PINK1: variants seen among roughly 807,000 people sequenced by gnomAD.
PINK1 encodes PTEN induced kinase 1.
A neutral mutation model predicts 56.0 loss-of-function variants in PINK1; 58 were observed. That is an observed-to-expected ratio of 1.04 (90% CI 0.84 to 1.29). The LOEUF is 1.29. PINK1 is among the 50% of genes most tolerant of loss of function. The probability of loss-of-function intolerance (pLI) is 0.00; values close to 1 mark genes in which losing one functional copy is unlikely to be tolerated. For missense variants in PINK1, 745 were observed against 777.9 expected, an observed-to-expected ratio of 0.96 and a Z score of 0.50; for synonymous variants, 354 against 339.3, an observed-to-expected ratio of 1.04 and a Z score of -0.48.
intron 2 of PINK1, chr1:20,638,415 G>A (rs1036572150): frequency 2.4e-6 from 1 of 420,286 alleles, no homozygotes; most frequent in Non-Finnish European, 4.4e-6. Context: ...CCAATCACTT[G>A]AGCTCAGGAG....
At chr1:20,644,899 A>T (rs1412543383) in intron 4 of PINK1, among the ~76,000 whole-genome samples, 1 of 152,232 alleles carries the variant, frequency 6.6e-6, no homozygotes, top group Non-Finnish European at 1.5e-5. Context: ...CATACTTGTC[A>T]CCTAGTCCTT....
chr1:20,648,802 C>T, intron 6 of PINK1, 170 bp downstream of exon 6: 1 of 1,330,650 alleles, frequency 7.5e-7, no homozygotes, highest in Non-Finnish European at 1.0e-6. Flanking sequence ...CCCTCATGTT[C>T]CAGGAGAATG....
At position 20,640,655 on chromosome 1, in the gene PINK1, C is replaced by T. The variant is rs191788904; in HGVS notation, c.776+663C>T. 5.2e-3 allele frequency among the ~76,000 whole-genome samples: 796 copies of T among 152,264 alleles called. 17 individuals carry two copies. The highest frequency in any genetic ancestry group is 0.039 in the Admixed American group (600 of 15,294). On this transcript the variant is annotated intron_variant, in intron 3 of 7. Coordinates refer to ENST00000321556, the MANE Select transcript of PINK1 (RefSeq NM_032409.3). ...GGGAAGAGCAAGTGAACAGCAGCTA[C>T]GCTTTCAGCTCAGAAAAGCCCATGT...
chr1:20,633,479 T>A lies in PINK1; in HGVS notation c.-70T>A, dbSNP rs1263722191. The A allele has an allele frequency of 9.3e-7, 1 of 1,074,700 alleles. No individual in the cohort carries two copies. Among genetic ancestry groups the A allele is most frequent in the Admixed American group, 5.2e-5 (1 of 19,290 alleles). 66.6% of individuals were successfully genotyped at this position (1,074,700 alleles called of 1,614,324 possible). A position where few individuals can be genotyped will look rare whatever the true frequency, so the allele number is the denominator to read the frequency against. On this transcript the variant is annotated 5_prime_UTR_variant, in exon 1 of 8. The change creates a new upstream start codon in the 5' untranslated region. Transcript: ENST00000321556. ...GCGCAGAGGCACCGCCCCAAGTTTG[T>A]TGTGACCGGCGGGGGACGCCGGTGG...
intron 1 of PINK1, 48 bp downstream of exon 1, chr1:20,633,983 G>C (rs1010332507): frequency 1.3e-6 from 2 of 1,548,950 alleles, no homozygotes; most frequent in Middle Eastern, 2.3e-4. Context: ...AGCTAAGCGC[G>C]GGGGCGGGTC....
Position 20,650,847 on chromosome 1 carries a change from G to A in PINK1, c.*156G>A, listed in dbSNP as rs545773867. 88 of 964,900 alleles carry A rather than the reference G, an allele frequency of 9.1e-5. No individual in the cohort carries two copies. In the African/African-American group the frequency reaches 1.2e-3, roughly 13 times the overall value. 59.8% of individuals were successfully genotyped at this position (964,900 alleles called of 1,614,324 possible). A position where few individuals can be genotyped will look rare whatever the true frequency, so the allele number is the denominator to read the frequency against. ...TCGGGCTTGGCAAATGGAAGAACTT[G>A]AGTGAGAGTTCAGTCTGCAGTCCTC... On this transcript the variant is annotated 3_prime_UTR_variant, in exon 8 of 8. Transcript: ENST00000321556.
At chr1:20,649,299 G>A in intron 7 of PINK1, 68 bp downstream of exon 7, 5 of 1,537,884 alleles carry the variant, frequency 3.3e-6, no homozygotes, top group Non-Finnish European at 4.5e-6. Context: ...CAGAGTGAAG[G>A]TCAGGTTTGG....
At chr1:20,648,387 C>T in intron 5 of PINK1, 118 bp from the exon 6 acceptor site, 1 of 1,484,160 alleles carries the variant, frequency 6.7e-7, no homozygotes. Flanking sequence ...CCTGGGCCAA[C>T]ACTGAGCCAT....
At chr1:20,650,406 C>T (rs371881185) in intron 7 of PINK1, 28 bp from the exon 8 acceptor site, 40 of 1,613,002 alleles carry the variant, frequency 2.5e-5, no homozygotes, top group Non-Finnish European at 3.1e-5. Context: ...AACAGATGTT[C>T]TAGCTACAGC....
At chr1:20,645,472 A>T in intron 4 of PINK1, 88 bp from the exon 5 acceptor site, 1 of 1,404,196 alleles carries the variant, frequency 7.1e-7, no homozygotes, top group South Asian at 1.2e-5. Context: ...TTGGCGACAG[A>T]GTGAGACTCC....
In PINK1 at chr1:20,633,585, C is replaced by A. The variant is rs2053013403; in HGVS notation, c.37C>A (p.Leu13Met). Residue 13 changes from leucine (L) to methionine (M), a missense_variant, in exon 1 of 8, where the codon CTG (leucine) becomes ATG (methionine). Coordinates refer to ENST00000321556, the MANE Select transcript of PINK1 (RefSeq NM_032409.3). ...ACAGGCGCTGGGCCGCGGCCTGCAG[C>A]TGGGTCGAGCGCTGCTGCTGCGCTT... ...VRQALGRGLQ[L>M]GRALLLRFTG... 5.7e-6 allele frequency: 7 copies of A among 1,227,884 alleles called. No homozygotes were observed. The South Asian group carries it at 2.4e-4, about 43-fold the overall frequency. The allele number at this position is 1,227,884 out of a possible 1,614,324, so 76.1% of individuals were successfully genotyped here.
rs1213989621 is a variant in PINK1 at position 20,641,166 on chromosome 1, G to A, written c.776+1174G>A. Among the ~76,000 whole-genome samples, 1 of 152,176 alleles carries A rather than the reference G, an allele frequency of 6.6e-6. No individual in the cohort carries two copies. ...AAAGTATGAAATTAAGGGAGTGGTTGTGGAAAACCCCTTCCATGGTTTGGA... is the reference window on the plus strand; with the variant it reads ...AAAGTATGAAATTAAGGGAGTGGTTATGGAAAACCCCTTCCATGGTTTGGA... On this transcript the variant is annotated intron_variant, in intron 3 of 7. Transcript: ENST00000321556. This position sits in a 1 kb window ranked among gnomAD's most constrained non-coding sequence, Gnocchi z 4.0.
rs1260665806 is a variant in PINK1, at chr1:20,648,319, G to A, written c.1124-186G>A. 9.4e-6 allele frequency: 7 copies of A among 744,536 alleles called. No individual in the cohort carries two copies. In the Admixed American group the frequency reaches 1.3e-4, roughly 14 times the overall value. 46.1% of individuals were successfully genotyped at this position (744,536 alleles called of 1,614,324 possible). A position where few individuals can be genotyped will look rare whatever the true frequency, so the allele number is the denominator to read the frequency against. On this transcript the variant is annotated intron_variant, in intron 5 of 7. Coordinates refer to ENST00000321556, the MANE Select transcript of PINK1 (RefSeq NM_032409.3). Reference sequence around the variant, plus strand: ...GATTTTGCAGCCTGTACTTACTGGAGGCATTTCCGTGTTCGCACAGCAGGC... The same window carrying A: ...GATTTTGCAGCCTGTACTTACTGGAAGCATTTCCGTGTTCGCACAGCAGGC...
At chr1:20,640,260 T>C (rs1254469099) in intron 3 of PINK1, among the ~76,000 whole-genome samples, 2 of 152,104 alleles carry the variant, frequency 1.3e-5, no homozygotes, top group African/African-American at 2.4e-5. Context: ...TGTTGCATGA[T>C]TGACTGGGGT....
Position 20,633,572 on chromosome 1 carries a change from CCGCGGCCTGCAGCTGGGT to C in PINK1, c.27_44del (p.Gly10_Arg15del). ...CCATGGCGGTGCGACAGGCGCTGGG[CCGCGGCCTGCAGCTGGGT>C]CGAGCGCTGCTGCTGCGCTTCACGG... On this transcript the variant is annotated inframe_deletion, in exon 1 of 8. Transcript: ENST00000321556. The C allele has an allele frequency of 1.7e-6, 2 of 1,196,476 alleles. No individual in the cohort carries two copies. The highest frequency in any genetic ancestry group is 2.1e-6 in the Non-Finnish European group (2 of 965,908). 74.1% of individuals were successfully genotyped at this position (1,196,476 alleles called of 1,614,324 possible). A position where few individuals can be genotyped will look rare whatever the true frequency, so the allele number is the denominator to read the frequency against.
intron 3 of PINK1, among the ~76,000 whole-genome samples, 156 bp downstream of exon 3, chr1:20,640,148 T>C: frequency 6.6e-6 from 1 of 152,190 alleles, no homozygotes; most frequent in East Asian, 1.9e-4. Context: ...ATAATTTCAC[T>C]TGGGAAAGAT....
At chr1:20,647,053 ATTTTTTT>A (rs71585775) in intron 5 of PINK1, among the ~76,000 whole-genome samples, 1 of 91,436 alleles carries the variant, frequency 1.1e-5, no homozygotes, top group Non-Finnish European at 2.1e-5. Flanking sequence ...CTAATTTTTG[ATTTTTTT>A]TTTTTTTTTT....
At chr1:20,640,032 T>G (rs1570401218) in intron 3 of PINK1, 40 bp downstream of exon 3, 1 of 1,512,418 alleles carries the variant, frequency 6.6e-7, no homozygotes, top group Non-Finnish European at 9.0e-7. Flanking sequence ...GGGACTTCTT[T>G]GAGAGCAACT....
intron 6 of PINK1, 40 bp downstream of exon 6, chr1:20,648,672 C>A: frequency 1.2e-6 from 2 of 1,609,950 alleles, no homozygotes; most frequent in Non-Finnish European, 1.7e-6. Context: ...GCAGCCCTTC[C>A]CCCACATGTC....
Sources: allele counts gnomAD v4.1 joint callset (sites outside exome capture counted in the v4.1 genomes callset), GRCh38; gene constraint gnomAD v4.1.1; non-coding constraint Gnocchi (gnomAD v3.1); transcripts MANE v1.5; gene names NCBI Gene and HGNC (gene_info 2026-07-23, HGNC 2026-07-21).